The following HMCN2 variants were observed in gnomAD, a reference collection of about 807,000 sequenced individuals.
HMCN2 encodes the protein hemicentin-2.
A neutral mutation model predicts 377.5 loss-of-function variants in HMCN2; 325 were observed. The observed-to-expected ratio is 0.86, with a 90% CI of 0.79 to 0.94. The LOEUF is 0.94. Among genes scored for constraint, HMCN2 ranks in the 40% least tolerant of loss-of-function variants. HMCN2 has a pLI of 0.00. For synonymous variants in HMCN2, 2,007 were observed against 2,046.8 expected (o/e 0.98, Z 0.53); for missense variants, 4,543 against 4,725.3 (o/e 0.96, Z 1.13).
chr9:130,401,011 G>A (rs1301309548), intron 77 of HMCN2, 64 bp downstream of exon 77: 3 of 1,221,158 alleles, frequency 2.5e-6, no homozygotes, highest in African/African-American at 3.1e-5. Flanking sequence ...GGCAGAGGGG[G>A]TGAAAGGTCA....
At position 130,431,451 on chromosome 9, in the gene HMCN2, G is replaced by T. The variant is rs1364043453; in HGVS notation, c.14732G>T (p.Gly4911Val). The part of the protein sequence containing the change: ...EGSYQCLCPA[G>V]YRLLPSGKNC... ...AGCTACCAGTGCCTGTGCCCCGCCG[G>T]CTACCGTCTGCTCCCCAGCGGGAAG... Residue 4911 changes from glycine to valine, a missense_variant, in exon 96 of 98, where the codon GGC (glycine) becomes GTC (valine). Around this residue, in one of 5 missense-constraint regions of HMCN2, gnomAD observed 1,155 missense variants for 1,157.7 expected, o/e 1.00. Transcript: ENST00000683500. 6.5e-7 allele frequency: 1 copy of T among 1,549,908 alleles called. No homozygotes were observed. The highest frequency in any genetic ancestry group is 1.4e-5 in the African/African-American group (1 of 73,064).
intron 97 of HMCN2, 51 bp from the exon 98 acceptor site, chr9:130,433,297 C>G: frequency 7.4e-7 from 1 of 1,357,850 alleles, no homozygotes; most frequent in Non-Finnish European, 9.5e-7. Flanking sequence ...ATGGGCCACG[C>G]TCCGACCGCA....
chr9:130,383,719 C>A, intron 57 of HMCN2, 119 bp downstream of exon 57: 1 of 329,722 alleles, frequency 3.0e-6, no homozygotes, highest in Non-Finnish European at 4.3e-6. Context: ...GGGATCCCAG[C>A]TGGCCCCAGC....
At chr9:130,384,334 T>G in intron 57 of HMCN2, 39 bp from the exon 58 acceptor site, 1 of 1,265,806 alleles carries the variant, frequency 7.9e-7, no homozygotes, top group Non-Finnish European at 1.0e-6. Context: ...GCTGGTGTGA[T>G]TCTCATGCCT....
chr9:130,343,609 G>C (rs1564798089), intron 25 of HMCN2, among the ~76,000 whole-genome samples: 1 of 151,578 alleles, frequency 6.6e-6, no homozygotes, highest in Admixed American at 6.6e-5. Flanking sequence ...GCAAGCAGCC[G>C]TTCTGCGCTT....
At position 130,422,260 on chromosome 9, in the gene HMCN2, C is replaced by T. The variant is rs2131801347; in HGVS notation, c.13232-317C>T. Among the ~76,000 whole-genome samples, 1 of 152,336 alleles carries T rather than the reference C, an allele frequency of 6.6e-6. No individual in the cohort carries two copies. The highest frequency in any genetic ancestry group is 1.5e-5 in the Non-Finnish European group (1 of 68,020). On this transcript the variant is annotated intron_variant, in intron 86 of 97. Coordinates refer to ENST00000683500, the MANE Select transcript of HMCN2 (RefSeq NM_001291815.2). This position sits in a 1 kb window ranked among gnomAD's most constrained non-coding sequence, Gnocchi z 4.2. The stretch of plus-strand genomic sequence containing the variant: ...TTCTGTGAGTTTGTGGTCCCGCCTC[C>T]TCATTTTACAGGTGAGCCAACTCAG...
rs1842510194 is a variant in HMCN2 at position 130,394,617 on chromosome 9, G to T, written c.10692+42G>T. 5 of 1,242,724 alleles carry T rather than the reference G, an allele frequency of 4.0e-6. No homozygotes were observed. Among genetic ancestry groups the T allele is most frequent in the South Asian group, 2.7e-5 (2 of 73,780 alleles). The allele number at this position is 1,242,724 out of a possible 1,614,324, so 77.0% of individuals were successfully genotyped here. A position where few individuals can be genotyped will look rare whatever the true frequency, so the allele number is the denominator to read the frequency against. ...CATGGGGCGAGGCTGGGGGTTGGGG[G>T]AGAGGGGAGGGACTGCAGGTTCCCC... On this transcript the variant is annotated intron_variant, in intron 69 of 97. Transcript: ENST00000683500. The surrounding 1 kb of genome is among the most constrained non-coding windows in gnomAD (Gnocchi z 5.1).
chr9:130,298,649 C>T (rs1335746288), intron 7 of HMCN2, among the ~76,000 whole-genome samples: 3 of 152,120 alleles, frequency 2.0e-5, no homozygotes, highest in African/African-American at 7.2e-5. Context: ...AAGTTGGAGT[C>T]CCCAAACTTG....
rs1298325266 is a variant in HMCN2 at position 130,355,020 on chromosome 9, C to T, written c.5122C>T (p.Leu1708=). 1 of 1,288,888 alleles carries T rather than the reference C, an allele frequency of 7.8e-7. No homozygotes were observed. The highest frequency in any genetic ancestry group is 1.2e-5 in the South Asian group (1 of 80,810). 79.8% of individuals were successfully genotyped at this position (1,288,888 alleles called of 1,614,324 possible). The change falls in exon 32 of 98, where the codon CTG becomes TTG. Residue 1708 remains leucine, a synonymous_variant. Transcript: ENST00000683500. ...VASSPAGEAV[L]QYSVEVQVPP... ...CAGCAGTCCTGCCGGGGAAGCCGTC[C>T]TGCAGTACTCCGTGGAGGTTCAGGG... is the stretch of plus-strand genomic sequence containing the variant.
intron 1 of HMCN2, among the ~76,000 whole-genome samples, chr9:130,266,865 G>C (rs1564730562): frequency 1.3e-5 from 2 of 152,122 alleles, no homozygotes; most frequent in Admixed American, 6.5e-5. Context: ...GTCCCTGGGC[G>C]CTCCACTGTA....
In HMCN2 at chr9:130,364,883, G is replaced by A. The variant is rs1840608384; in HGVS notation, c.6402G>A (p.Leu2134=). Residue 2134 remains leucine, a synonymous_variant, in exon 41 of 98, where the codon TTG becomes TTA. Coordinates refer to ENST00000683500, the MANE Select transcript of HMCN2 (RefSeq NM_001291815.2). The part of the protein sequence containing the change: ...PGVHLSADKA[L]LQVDRADVWD... ...TCCACCTCTCCGCAGACAAAGCCTT[G>A]CTGCAGGTGTGCAGGCCCCTGGCCA... The A allele has an allele frequency of 4.1e-6, 4 of 985,764 alleles. No individual in the cohort carries two copies. The Admixed American group carries it at 2.5e-4, about 61-fold the overall frequency. 61.1% of individuals were successfully genotyped at this position (985,764 alleles called of 1,614,324 possible).
chr9:130,370,719 C>T (rs1184918556), intron 45 of HMCN2, among the ~76,000 whole-genome samples: 1 of 152,224 alleles, frequency 6.6e-6, no homozygotes, highest in Admixed American at 6.5e-5. Context: ...CCCCCAGCAT[C>T]CCGCTGAGGG....
intron 80 of HMCN2, among the ~76,000 whole-genome samples, chr9:130,404,364 G>A (rs1842988235): frequency 6.6e-6 from 1 of 152,150 alleles, no homozygotes; most frequent in African/African-American, 2.4e-5. Flanking sequence ...GAACTCAGAG[G>A]GGCTCCTGGC....
intron 14 of HMCN2, among the ~76,000 whole-genome samples, chr9:130,309,224 G>A (rs906560983): frequency 8.5e-5 from 13 of 152,154 alleles, no homozygotes; most frequent in Admixed American, 3.9e-4. Flanking sequence ...GAAAAATGGC[G>A]GGCTGGGGGG....
chr9:130,425,591 T>G, intron 89 of HMCN2, 96 bp from the exon 90 acceptor site: 2 of 906,628 alleles, frequency 2.2e-6, no homozygotes, highest in Non-Finnish European at 1.7e-6. Context: ...TGCTTGGGAG[T>G]TGAAATCTCA....
chr9:130,420,065 CTTTTTTT>C (rs10586199), intron 86 of HMCN2, among the ~76,000 whole-genome samples: 5 of 77,032 alleles, frequency 6.5e-5, no homozygotes, highest in East Asian at 8.3e-4. Context: ...CGTCCCACTT[CTTTTTTT>C]TTTTTTTTTT....
chr9:130,433,364 T>A lies in HMCN2; in HGVS notation c.14911T>A (p.Cys4971Ser). Residue 4971 changes from cysteine (C) to serine (S), a missense_variant, in exon 98 of 98, where the codon TGC (cysteine) becomes AGC (serine). Physicochemically the swap from Cys to Ser is moderately radical, Grantham distance 112 (BLOSUM62 -1). Transcript: ENST00000683500. ...GPSPGTCFRRCSQDCGTGGPS... is the reference protein window; with the variant it reads ...GPSPGTCFRRSSQDCGTGGPS... ...CGCCCGCAGGACGTGCTTCCGGCGC[T>A]GCTCGCAGGACTGCGGCACGGGCGG... 1.4e-6 allele frequency: 2 copies of A among 1,464,700 alleles called. No individual in the cohort carries two copies. The highest frequency in any genetic ancestry group is 1.8e-6 in the Non-Finnish European group (2 of 1,115,830). The allele number at this position is 1,464,700 out of a possible 1,614,324, so 90.7% of individuals were successfully genotyped here.
chr9:130,317,570 C>G (rs1483062246), intron 15 of HMCN2, among the ~76,000 whole-genome samples: 1 of 151,268 alleles, frequency 6.6e-6, no homozygotes, highest in African/African-American at 2.4e-5. Context: ...TCTCGGCTCC[C>G]TCCAACCTCT....
chr9:130,320,383 A>G lies in HMCN2; in HGVS notation c.2579A>G (p.Tyr860Cys), dbSNP rs1045228191. ...ESVAPEDQAP[Y>C]VCEARNVFGK... ...GTGGCCCCAGAAGACCAGGCCCCAT[A>G]TGTCTGTGAAGCTCGAAACGTCTTT... is the stretch of plus-strand genomic sequence containing the variant. Residue 860 changes from tyrosine (Y) to cysteine (C), a missense_variant, in exon 17 of 98, where the codon TAT becomes TGT. Tyr to Cys is a radical substitution (Grantham distance 194, BLOSUM62 -2). This residue lies in a region of HMCN2 where 547 missense variants were observed against 189.9 expected (regional missense o/e 2.88). Coordinates refer to ENST00000683500, the MANE Select transcript of HMCN2 (RefSeq NM_001291815.2). 6.6e-6 allele frequency: 1 copy of G among 152,304 alleles called. No homozygotes were observed. The highest frequency in any genetic ancestry group is 1.5e-5 in the Non-Finnish European group (1 of 68,178). 9.4% of individuals were successfully genotyped at this position (152,304 alleles called of 1,614,324 possible). A position where few individuals can be genotyped will look rare whatever the true frequency, so the allele number is the denominator to read the frequency against.
Sources: allele counts gnomAD v4.1 joint callset (sites outside exome capture counted in the v4.1 genomes callset), GRCh38; gene constraint gnomAD v4.1.1; regional missense constraint gnomAD v4.1.1; non-coding constraint Gnocchi (gnomAD v3.1); transcripts MANE v1.5; gene names NCBI Gene and HGNC (gene_info 2026-07-23, HGNC 2026-07-21).